The following PPARD variants were observed in gnomAD, a reference collection of about 807,000 sequenced individuals.
The protein encoded by PPARD is peroxisome proliferator activated receptor delta, also known as peroxisome proliferator-activated receptor delta.
A neutral mutation model predicts 39.5 loss-of-function variants in PPARD; 6 were observed. The ratio of observed to expected loss-of-function variants is 0.15; its 90% CI spans 0.08 to 0.30. PPARD has a LOEUF of 0.30. Ranked by LOEUF, PPARD falls within the 10% of genes least tolerant of loss-of-function variation. PPARD has a pLI of 1.00. For missense variants in PPARD, 397 were observed against 596.8 expected (o/e 0.67, Z 3.49); for synonymous variants, 210 against 231.3 (o/e 0.91, Z 0.83).
chr6:35,383,516 C>G (rs1341930005), intron 2 of PPARD, among the ~76,000 whole-genome samples: 1 of 149,170 alleles, frequency 6.7e-6, no homozygotes, highest in African/African-American at 2.5e-5. Context: ...GGGAGCCCCT[C>G]TGCCTGGCTG....
intron 2 of PPARD, among the ~76,000 whole-genome samples, chr6:35,351,015 TTTTG>T (rs920527786): frequency 5.9e-5 from 9 of 152,114 alleles, no homozygotes; most frequent in South Asian, 2.1e-4. Flanking sequence ...TAGATTCTTT[TTTTG>T]TTTGTTTGTT....
chr6:35,350,237 T>G (rs755665939), intron 2 of PPARD, among the ~76,000 whole-genome samples: 1 of 152,224 alleles, frequency 6.6e-6, no homozygotes, highest in Non-Finnish European at 1.5e-5. Context: ...TTTCCTTTGC[T>G]GTGCAGAAAC....
intron 2 of PPARD, among the ~76,000 whole-genome samples, chr6:35,399,102 C>A (rs1581627059): frequency 6.8e-6 from 1 of 147,864 alleles, no homozygotes; most frequent in Non-Finnish European, 1.5e-5. Context: ...AACAGTGAGA[C>A]CCTGTCCCCC....
rs750412240 is a variant in PPARD at position 35,374,308 on chromosome 6, T to TG, written c.-102+27162dup. ...TAAGGTCATGGTTAGTTCTCGGCGGTGGGGCGGGGGGGTTTAGTGGGCAAT... is the reference window on the plus strand; with the variant it reads ...TAAGGTCATGGTTAGTTCTCGGCGGTGGGGGCGGGGGGGTTTAGTGGGCAAT... On this transcript the variant is annotated intron_variant, in intron 2 of 7. Coordinates refer to ENST00000360694, the MANE Select transcript of PPARD (RefSeq NM_006238.5). 6.6e-3 allele frequency among the ~76,000 whole-genome samples: 835 copies of TG among 125,968 alleles called. 36 individuals carry two copies. Among genetic ancestry groups the TG allele is most frequent in the African/African-American group, 0.033 (731 of 22,282 alleles). 82.6% of individuals were successfully genotyped at this position (125,968 alleles called of 152,430 possible). A position where few individuals can be genotyped will look rare whatever the true frequency, so the allele number is the denominator to read the frequency against.
chr6:35,384,551 G>A (rs1763452655), intron 2 of PPARD, among the ~76,000 whole-genome samples: 1 of 103,708 alleles, frequency 9.6e-6, no homozygotes, highest in Non-Finnish European at 1.9e-5. Context: ...CTGCCCGGCC[G>A]CCCCTACTGG....
chr6:35,391,999 A>G (rs1764033621), intron 2 of PPARD, among the ~76,000 whole-genome samples: 1 of 151,962 alleles, frequency 6.6e-6, no homozygotes, highest in African/African-American at 2.4e-5. Context: ...TTGTGCTCGG[A>G]ACCAAGCAGA....
intron 2 of PPARD, among the ~76,000 whole-genome samples, chr6:35,409,263 G>GGT (rs1271747054): frequency 2.6e-5 from 4 of 151,910 alleles, no homozygotes; most frequent in African/African-American, 9.7e-5. Context: ...CCAATACCTT[G>GGT]GTAGGCCAAG....
intron 2 of PPARD, among the ~76,000 whole-genome samples, chr6:35,352,730 G>A (rs1761340273): frequency 4.6e-5 from 7 of 152,172 alleles, no homozygotes; most frequent in Admixed American, 4.6e-4. Flanking sequence ...CACATGGGTG[G>A]CACTTGATGC....
chr6:35,381,338 A>G (rs1189496127), intron 2 of PPARD, among the ~76,000 whole-genome samples: 1 of 152,212 alleles, frequency 6.6e-6, no homozygotes, highest in African/African-American at 2.4e-5. Flanking sequence ...GCGATGAGTA[A>G]TTTAAGAAAA....
In PPARD at chr6:35,426,991, G is replaced by T. The variant is rs954021051; in HGVS notation, c.*912G>T. ...AGCAAGTCTCAAGAGAAGGAGGGGGGATTGGTGGTTGGAGGAAGCAGCACA... is the reference window on the plus strand; with the variant it reads ...AGCAAGTCTCAAGAGAAGGAGGGGGTATTGGTGGTTGGAGGAAGCAGCACA... On this transcript the variant is annotated 3_prime_UTR_variant, in exon 8 of 8. Transcript: ENST00000360694. 1.3e-5 allele frequency: 2 copies of T among 152,426 alleles called. No homozygotes were observed. The highest frequency in any genetic ancestry group is 1.3e-4 in the Admixed American group (2 of 15,288). The allele number at this position is 152,426 out of a possible 1,614,324, so 9.4% of individuals were successfully genotyped here. A position where few individuals can be genotyped will look rare whatever the true frequency, so the allele number is the denominator to read the frequency against.
At chr6:35,352,475 C>T (rs896925193) in intron 2 of PPARD, among the ~76,000 whole-genome samples, 10 of 152,166 alleles carry the variant, frequency 6.6e-5, no homozygotes, top group African/African-American at 1.2e-4. Context: ...TGAGCCACCG[C>T]GCCCGGCCAC....
chr6:35,391,306 A>G (rs1251594292), intron 2 of PPARD, among the ~76,000 whole-genome samples: 2 of 152,190 alleles, frequency 1.3e-5, no homozygotes, highest in Non-Finnish European at 2.9e-5. Context: ...AAAACAATGA[A>G]TTTCTGTATT....
chr6:35,349,876 A>G (rs1761133351), intron 2 of PPARD, among the ~76,000 whole-genome samples: 1 of 151,464 alleles, frequency 6.6e-6, no homozygotes, highest in South Asian at 2.1e-4. Flanking sequence ...CAAGTAGCTC[A>G]GATTACAGGC....
Position 35,354,104 on chromosome 6 carries a change from C to T in PPARD, c.-102+6954C>T, listed in dbSNP as rs556087431. Among the ~76,000 whole-genome samples, 537 of 151,450 alleles carry T rather than the reference C, an allele frequency of 3.5e-3. 5 individuals are homozygous for T. Among genetic ancestry groups the T allele is most frequent in the African/African-American group, 0.012 (499 of 41,312 alleles). On this transcript the variant is annotated intron_variant, in intron 2 of 7. Coordinates refer to ENST00000360694, the MANE Select transcript of PPARD (RefSeq NM_006238.5). ...AAAATTAGCTGGGCGTGGTGGTGGG[C>T]GCCTGTAGTCCCAGCTACTTGGGAG...
intron 2 of PPARD, among the ~76,000 whole-genome samples, chr6:35,395,997 C>T (rs1266971838): frequency 1.3e-5 from 2 of 152,092 alleles, no homozygotes; most frequent in African/African-American, 4.8e-5. Flanking sequence ...TGGGTAGGCT[C>T]CATGGAAGAA....
At chr6:35,398,656 A>G (rs1324504615) in intron 2 of PPARD, among the ~76,000 whole-genome samples, 1 of 152,246 alleles carries the variant, frequency 6.6e-6, no homozygotes, top group Non-Finnish European at 1.5e-5. Context: ...GAGACCAACA[A>G]AGTAGATTGA....
chr6:35,364,720 G>GT (rs778441012), intron 2 of PPARD, among the ~76,000 whole-genome samples: 1 of 142,914 alleles, frequency 7.0e-6, no homozygotes, highest in Non-Finnish European at 1.5e-5. Context: ...TTTGTTTTTT[G>GT]TTTGTTTTTT....
At chr6:35,356,289 G>T (rs1761610219) in intron 2 of PPARD, among the ~76,000 whole-genome samples, 1 of 152,196 alleles carries the variant, frequency 6.6e-6, no homozygotes. Flanking sequence ...GATCGCAGAG[G>T]CAGAGTTCCT....
chr6:35,364,395 G>C (rs1762075539), intron 2 of PPARD, among the ~76,000 whole-genome samples: 1 of 150,484 alleles, frequency 6.6e-6, no homozygotes, highest in Non-Finnish European at 1.5e-5. Context: ...AATATACTTA[G>C]TGAAATTGCT....
Sources: allele counts gnomAD v4.1 joint callset (sites outside exome capture counted in the v4.1 genomes callset), GRCh38; gene constraint gnomAD v4.1.1; transcripts MANE v1.5; gene names NCBI Gene and HGNC (gene_info 2026-07-23, HGNC 2026-07-21).